LRRK2: variants seen among roughly 807,000 people sequenced by gnomAD.
LRRK2 encodes leucine rich repeat kinase 2, also known as leucine-rich repeat serine/threonine-protein kinase 2.
LRRK2 carries 203 observed loss-of-function variants against 302.6 expected under a neutral mutation model. That is an observed-to-expected ratio of 0.67 (90% CI 0.60 to 0.75). LRRK2 has a LOEUF of 0.75. Among genes scored for constraint, LRRK2 ranks in the 30% least tolerant of loss-of-function variants. The pLI, the probability that LRRK2 is intolerant of heterozygous loss-of-function variation, is 0.00. For missense variants in LRRK2, 2,830 were observed against 2,951.0 expected, an observed-to-expected ratio of 0.96 and a Z score of 0.95; for synonymous variants, 1,066 against 1,031.9, an observed-to-expected ratio of 1.03 and a Z score of -0.63.
rs751885309 is a variant in LRRK2 at position 40,263,752 on chromosome 12, G to GA, written c.1544-33dup. On this transcript the variant is annotated intron_variant, in intron 13 of 50. Transcript: ENST00000298910. ...GTCTGTTCAACTCAAATGTTTATAA[G>GA]AAAATTCTTTCTTTATTTATTTATC... 2.3e-4 allele frequency: 337 copies of GA among 1,453,434 alleles called. 1 individual carries two copies. Among genetic ancestry groups the GA allele is most frequent in the Non-Finnish European group, 3.2e-4 (330 of 1,037,664 alleles). The allele number at this position is 1,453,434 out of a possible 1,614,324, so 90.0% of individuals were successfully genotyped here.
At chr12:40,252,612 T>C (rs1942322750) in intron 10 of LRRK2, among the ~76,000 whole-genome samples, 1 of 152,210 alleles carries the variant, frequency 6.6e-6, no homozygotes, top group Non-Finnish European at 1.5e-5. Flanking sequence ...CTCTCTTGTT[T>C]CCATTCTCTT....
intron 46 of LRRK2, among the ~76,000 whole-genome samples, chr12:40,358,735 A>AT (rs35500726): frequency 3.3e-5 from 5 of 151,818 alleles, no homozygotes; most frequent in African/African-American, 1.2e-4. Context: ...AGTTTTAGAA[A>AT]TTTTTTTTTC....
chr12:40,257,252 T>C lies in LRRK2; in HGVS notation c.1293T>C (p.Asn431=), dbSNP rs1942560859. ...TAACATTTTAAAAAATCTCAGTTAA[T>C]TTCAGAAAAATACTGTTATCAAAAG... ...ALSTLLEQNV[N]FRKILLSKGI... The change falls in exon 12 of 51, where the codon AAT becomes AAC. Residue 431 remains asparagine, a synonymous_variant. Transcript: ENST00000298910. 2 of 1,558,978 alleles carry C rather than the reference T, an allele frequency of 1.3e-6. No homozygotes were observed. Among genetic ancestry groups the C allele is most frequent in the Admixed American group, 1.7e-5 (1 of 59,804 alleles).
Position 40,270,360 on chromosome 12 carries a change from G to A in LRRK2, c.1657-4223G>A, listed in dbSNP as rs540289732. On this transcript the variant is annotated intron_variant, in intron 14 of 50. Transcript: ENST00000298910. Reference sequence around the variant, plus strand: ...AGTTTGTGTTTATCTTACTCCTACCGTTATTTGGAAGCAGTCTTCATCTCA... The same window carrying A: ...AGTTTGTGTTTATCTTACTCCTACCATTATTTGGAAGCAGTCTTCATCTCA... Among the ~76,000 whole-genome samples the A allele has an allele frequency of 3.3e-5, 5 of 152,036 alleles. No individual in the cohort carries two copies. In the South Asian group the frequency reaches 1.0e-3, roughly 32 times the overall value.
intron 29 of LRRK2, 110 bp from the exon 30 acceptor site, chr12:40,308,996 A>C (rs762472332): frequency 2.2e-5 from 27 of 1,213,902 alleles, no homozygotes; most frequent in Admixed American, 4.3e-5. Context: ...TTTTTCTCTT[A>C]TTAGTATGCT....
chr12:40,228,399 T>A (rs1941005189), intron 2 of LRRK2, among the ~76,000 whole-genome samples: 1 of 151,660 alleles, frequency 6.6e-6, no homozygotes, highest in Admixed American at 6.6e-5. Context: ...TTGAGAAATG[T>A]CTATTTGGAT....
At chr12:40,276,567 A>G (rs371360248) in intron 16 of LRRK2, among the ~76,000 whole-genome samples, 1 of 152,168 alleles carries the variant, frequency 6.6e-6, no homozygotes, top group South Asian at 2.1e-4. Flanking sequence ...AAGTGTTGGG[A>G]TTACAGGCAT....
chr12:40,260,186 C>T (rs10878278), intron 13 of LRRK2, among the ~76,000 whole-genome samples: 22,107 of 151,830 alleles, frequency 0.15, 1,771 homozygotes, highest in Middle Eastern at 0.28. Context: ...ATGTTCTAAG[C>T]ACTGTGATGC....
rs201037550 is a variant in LRRK2, at chr12:40,365,042, C to T, written c.7382C>T (p.Ala2461Val). 5.2e-5 allele frequency: 84 copies of T among 1,611,412 alleles called. No homozygotes were observed. Among genetic ancestry groups the T allele is most frequent in the Admixed American group, 6.7e-5 (4 of 59,800 alleles). ...FCNSVRVMMT[A>V]QLGSLKNVML... ...AATTCGGTCAGAGTCATGATGACAG[C>T]ACAGCTAGGCAAGTTTCTTTCCTTT... The change falls in exon 49 of 51, where the codon GCA becomes GTA. Residue 2461 changes from alanine (A) to valine (V), a missense_variant. Physicochemically the swap from Ala to Val is moderately conservative, Grantham distance 64. Around this residue, in one of 3 missense-constraint regions of LRRK2, gnomAD observed 456 missense variants for 456.3 expected, o/e 1.00. Coordinates refer to ENST00000298910, the MANE Select transcript of LRRK2 (RefSeq NM_198578.4).
At chr12:40,262,007 T>C (rs536370384) in intron 13 of LRRK2, among the ~76,000 whole-genome samples, 62 of 152,288 alleles carry the variant, frequency 4.1e-4, no homozygotes, top group Middle Eastern at 6.8e-3. Flanking sequence ...ATTTGACTTG[T>C]TTCTTGAGTT....
At chr12:40,310,962 A>G (rs1945017632) in intron 31 of LRRK2, among the ~76,000 whole-genome samples, 1 of 152,144 alleles carries the variant, frequency 6.6e-6, no homozygotes, top group Non-Finnish European at 1.5e-5. Flanking sequence ...TCAACTTCTT[A>G]TAGTGGTGAT....
At chr12:40,330,363 C>T (rs1048642989) in intron 39 of LRRK2, among the ~76,000 whole-genome samples, 1 of 151,954 alleles carries the variant, frequency 6.6e-6, no homozygotes, top group African/African-American at 2.4e-5. Context: ...ATTTTTAGTG[C>T]CCACTGTTGC....
At chr12:40,325,266 G>A (rs936813322) in intron 38 of LRRK2, among the ~76,000 whole-genome samples, 20 of 152,246 alleles carry the variant, frequency 1.3e-4, no homozygotes, top group Admixed American at 7.2e-4. Flanking sequence ...CAGCCTAGGC[G>A]ACAGAGCGTC....
intron 33 of LRRK2, 104 bp from the exon 34 acceptor site, chr12:40,319,884 A>G (rs1945345400): frequency 1.7e-6 from 2 of 1,154,342 alleles, no homozygotes; most frequent in Non-Finnish European, 2.5e-6. Context: ...AAACACTAAA[A>G]TCTTTCTGAC....
intron 33 of LRRK2, among the ~76,000 whole-genome samples, chr12:40,318,358 C>A (rs949535819): frequency 3.3e-5 from 5 of 152,114 alleles, no homozygotes; most frequent in African/African-American, 1.2e-4. Flanking sequence ...CAAGCACAAA[C>A]TCTTTAAAAA....
chr12:40,287,585 T>A, intron 20 of LRRK2, 46 bp downstream of exon 20: 1 of 1,579,172 alleles, frequency 6.3e-7, no homozygotes, highest in Non-Finnish European at 8.7e-7. Context: ...ATTTACACAC[T>A]GACATTGAAC....
intron 20 of LRRK2, among the ~76,000 whole-genome samples, chr12:40,292,346 A>G (rs1944191010): frequency 6.6e-6 from 1 of 152,020 alleles, no homozygotes; most frequent in South Asian, 2.1e-4. Flanking sequence ...TGAGTAGGTT[A>G]AGTTCACATT....
In LRRK2 at chr12:40,235,662, T is replaced by A; in HGVS notation, c.384T>A (p.Ser128Arg). 6.2e-7 allele frequency: 1 copy of A among 1,609,820 alleles called. No individual in the cohort carries two copies. Among genetic ancestry groups the A allele is most frequent in the South Asian group, 1.1e-5 (1 of 91,010 alleles). Residue 128 changes from serine to arginine, a missense_variant, in exon 4 of 51, where the codon AGT becomes AGA. By Grantham distance (110) the Ser-to-Arg change is moderately radical (BLOSUM62 -1). This residue lies in a region of LRRK2 where 2,121 missense variants were observed against 2,148.0 expected (regional missense o/e 0.99). Coordinates refer to ENST00000298910, the MANE Select transcript of LRRK2 (RefSeq NM_198578.4). ...AAATGCTAACAGTTCATAATGCCAGTGTAAACTTGTCAGTGATTGGACTGA... is the reference window on the plus strand; with the variant it reads ...AAATGCTAACAGTTCATAATGCCAGAGTAAACTTGTCAGTGATTGGACTGA... ...ILKMLTVHNA[S>R]VNLSVIGLKT...
intron 46 of LRRK2, among the ~76,000 whole-genome samples, chr12:40,358,407 A>G (rs1208997004): frequency 1.3e-5 from 2 of 152,156 alleles, no homozygotes; most frequent in African/African-American, 4.8e-5. Context: ...AATTTTGTAA[A>G]TGGTGAGAGA....
Sources: gnomAD v4.1 joint callset for allele counts (sites outside exome capture counted in the v4.1 genomes callset) on GRCh38, gnomAD v4.1.1 for gene constraint, gnomAD v4.1.1 regional missense constraint, MANE v1.5 for transcripts, NCBI Gene and HGNC (gene_info 2026-07-23, HGNC 2026-07-21) for gene names.